The following SLC41A2 variants were observed in gnomAD, a reference collection of about 807,000 sequenced individuals.
SLC41A2 encodes the protein solute carrier family 41 member 2, also known as SLC41A1-like 1.
A neutral mutation model predicts 58.3 loss-of-function variants in SLC41A2; 32 were observed. That is an observed-to-expected ratio of 0.55 (90% CI 0.41 to 0.74). The LOEUF (loss-of-function observed/expected upper bound fraction) is 0.74. Ranked by LOEUF, SLC41A2 falls within the 30% of genes least tolerant of loss-of-function variation. SLC41A2 has a pLI of 0.00. For synonymous variants in SLC41A2, 190 were observed against 235.0 expected (o/e 0.81, Z 1.75); for missense variants, 514 against 680.6 (o/e 0.76, Z 2.72).
chr12:104,886,526 C>T lies in SLC41A2; in HGVS notation c.881-87G>A, dbSNP rs1005715840. On this transcript the variant is annotated intron_variant, in intron 5 of 10. Coordinates refer to ENST00000258538, the MANE Select transcript of SLC41A2 (RefSeq NM_001352171.3). The stretch of plus-strand genomic sequence containing the variant: ...TACCAAAATGTGTAGGATAGAAAAA[C>T]AGCATATCAATTCCAGTTAGACTGC... 4 of 1,377,698 alleles carry T rather than the reference C, an allele frequency of 2.9e-6. No individual in the cohort carries two copies. In the African/African-American group the frequency reaches 5.8e-5, roughly 20 times the overall value. 85.3% of individuals were successfully genotyped at this position (1,377,698 alleles called of 1,614,324 possible). A position where few individuals can be genotyped will look rare whatever the true frequency, so the allele number is the denominator to read the frequency against.
intron 2 of SLC41A2, among the ~76,000 whole-genome samples, chr12:104,923,665 G>A (rs911118904): frequency 1.3e-5 from 2 of 151,972 alleles, no homozygotes; most frequent in Non-Finnish European, 2.9e-5. Context: ...AAAATACAAA[G>A]AATCATCAAA....
At chr12:104,889,795 A>G (rs182606500) in intron 4 of SLC41A2, among the ~76,000 whole-genome samples, 1 of 152,298 alleles carries the variant, frequency 6.6e-6, no homozygotes, top group East Asian at 1.9e-4. Context: ...TAGTGCTATG[A>G]AAATTTCAGT....
intron 2 of SLC41A2, among the ~76,000 whole-genome samples, chr12:104,924,784 G>C (rs1323510371): frequency 6.6e-6 from 1 of 151,758 alleles, no homozygotes; most frequent in East Asian, 1.9e-4. Flanking sequence ...TCCTCCCAAT[G>C]TCCATTCATA....
At chr12:104,854,405 T>C (rs1389904534) in intron 8 of SLC41A2, among the ~76,000 whole-genome samples, 1 of 151,762 alleles carries the variant, frequency 6.6e-6, no homozygotes, top group African/African-American at 2.4e-5. Context: ...CTACTAAAAA[T>C]ACAAAAAATT....
At position 104,958,071 on chromosome 12, in the gene SLC41A2, T is replaced by G. The variant is rs1170555771; in HGVS notation, c.-168+17A>C. ...GCGGCGCCGCGGCCGAAGCCGAGAC[T>G]TCCCCTCCATGGTCACCTGTTCCGG... On this transcript the variant is annotated intron_variant, in intron 1 of 10. Transcript: ENST00000258538. The G allele has an allele frequency of 6.6e-6, 1 of 152,166 alleles. No individual in the cohort carries two copies. The highest frequency in any genetic ancestry group is 1.5e-5 in the Non-Finnish European group (1 of 68,404). 9.4% of individuals were successfully genotyped at this position (152,166 alleles called of 1,614,324 possible). A position where few individuals can be genotyped will look rare whatever the true frequency, so the allele number is the denominator to read the frequency against.
intron 2 of SLC41A2, among the ~76,000 whole-genome samples, chr12:104,917,958 A>T (rs1267216786): frequency 6.7e-6 from 1 of 149,170 alleles, no homozygotes; most frequent in African/African-American, 2.4e-5. Context: ...TGTACCCTAA[A>T]ACTTAAAGTA....
intron 10 of SLC41A2, among the ~76,000 whole-genome samples, chr12:104,816,971 C>A (rs986766825): frequency 4.6e-5 from 7 of 152,126 alleles, no homozygotes; most frequent in African/African-American, 1.7e-4. Flanking sequence ...TGCTTAATAA[C>A]AGGGATACAT....
At chr12:104,895,225 T>TAAA in intron 4 of SLC41A2, 49 bp downstream of exon 4, 1 of 1,370,152 alleles carries the variant, frequency 7.3e-7, no homozygotes, top group Non-Finnish European at 1.0e-6. Flanking sequence ...TAGATTACAG[T>TAAA]CAAAATTTGT....
At chr12:104,819,017 A>G (rs1307917689) in intron 10 of SLC41A2, among the ~76,000 whole-genome samples, 1 of 152,244 alleles carries the variant, frequency 6.6e-6, no homozygotes, top group Non-Finnish European at 1.5e-5. Flanking sequence ...CAAATATACA[A>G]TCAACAAATT....
intron 10 of SLC41A2, among the ~76,000 whole-genome samples, chr12:104,809,353 G>C (rs943287563): frequency 2.8e-5 from 4 of 143,718 alleles, no homozygotes; most frequent in Non-Finnish European, 6.2e-5. Context: ...CCAAACTGCT[G>C]TGTGCTATCA....
chr12:104,942,228 T>C (rs887521308), intron 1 of SLC41A2, among the ~76,000 whole-genome samples: 2 of 152,040 alleles, frequency 1.3e-5, no homozygotes, highest in African/African-American at 4.8e-5. Context: ...CCTGTAATCC[T>C]AGAACTTTGG....
chr12:104,831,859 A>C (rs1273746222), intron 10 of SLC41A2, among the ~76,000 whole-genome samples: 1 of 152,230 alleles, frequency 6.6e-6, no homozygotes. Context: ...TCAGAATCGA[A>C]ATGAAGAAAC....
chr12:104,947,350 C>A (rs139220937), intron 1 of SLC41A2, among the ~76,000 whole-genome samples: 1 of 151,196 alleles, frequency 6.6e-6, no homozygotes, highest in Non-Finnish European at 1.5e-5. Flanking sequence ...ACTACAGGTG[C>A]GCACCACCAT....
chr12:104,833,575 G>T (rs1221096256), intron 10 of SLC41A2, among the ~76,000 whole-genome samples: 2 of 152,026 alleles, frequency 1.3e-5, no homozygotes, highest in Non-Finnish European at 2.9e-5. Flanking sequence ...TACCCTTTAA[G>T]CTTCCCTTTT....
intron 10 of SLC41A2, among the ~76,000 whole-genome samples, chr12:104,840,612 AC>A (rs2042376995): frequency 6.6e-6 from 1 of 152,156 alleles, no homozygotes; most frequent in Non-Finnish European, 1.5e-5. Flanking sequence ...TGGTCTAGCT[AC>A]TCTGATTGCT....
chr12:104,809,299 A>G (rs1478425249), intron 10 of SLC41A2, among the ~76,000 whole-genome samples: 2 of 152,236 alleles, frequency 1.3e-5, no homozygotes, highest in Non-Finnish European at 2.9e-5. Context: ...ACCTTTCACT[A>G]ACCTGGCAAG....
At chr12:104,879,887 A>G (rs1018750237) in intron 6 of SLC41A2, among the ~76,000 whole-genome samples, 10 of 152,024 alleles carry the variant, frequency 6.6e-5, no homozygotes, top group African/African-American at 2.4e-4. Context: ...CATGATATTG[A>G]TTCTTCCTAT....
chr12:104,919,593 G>A (rs1159682307), intron 2 of SLC41A2, among the ~76,000 whole-genome samples: 3 of 152,118 alleles, frequency 2.0e-5, no homozygotes, highest in East Asian at 1.9e-4. Flanking sequence ...TTCTCTAATG[G>A]CTAATGATGT....
intron 10 of SLC41A2, among the ~76,000 whole-genome samples, chr12:104,844,090 A>G (rs1309248695): frequency 1.3e-5 from 2 of 152,224 alleles, no homozygotes; most frequent in Non-Finnish European, 2.9e-5. Flanking sequence ...CCAAATCTAC[A>G]AAGTTTAGCA....
Sources: gnomAD v4.1 joint callset for allele counts (sites outside exome capture counted in the v4.1 genomes callset) on GRCh38, gnomAD v4.1.1 for gene constraint, MANE v1.5 for transcripts, NCBI Gene and HGNC (gene_info 2026-07-23, HGNC 2026-07-21) for gene names.